DENND3: variants seen among roughly 807,000 people sequenced by gnomAD.
The protein encoded by DENND3 is DENN domain containing 3, also known as DENN domain-containing protein 3.
Under a neutral mutation model 135.1 loss-of-function variants are expected in DENND3, and 88 were observed. The observed-to-expected ratio is 0.65, with a 90% CI of 0.55 to 0.78. DENND3 has a LOEUF of 0.78. Among genes scored for constraint, DENND3 ranks in the 30% least tolerant of loss-of-function variants. The pLI, the probability that DENND3 is intolerant of heterozygous loss-of-function variation, is 0.00. For missense variants in DENND3, 1,392 were observed against 1,688.4 expected (o/e 0.82, Z 3.08); for synonymous variants, 693 against 712.3 (o/e 0.97, Z 0.43).
chr8:141,177,773 G>A (rs79501645), intron 15 of DENND3: 3,020 of 295,466 alleles, frequency 0.01, 46 homozygotes, highest in Admixed American at 0.034. Context: ...CTCCCATGCC[G>A]CAGTGGCAGG....
intron 16 of DENND3, 27 bp downstream of exon 16, chr8:141,178,223 A>G: frequency 1.9e-6 from 3 of 1,594,612 alleles, no homozygotes; most frequent in Non-Finnish European, 2.6e-6. Context: ...CTTAGCGTGG[A>G]TCATTGTCCT....
intron 20 of DENND3, 48 bp from the exon 21 acceptor site, chr8:141,192,283 G>C (rs912939731): frequency 1.2e-6 from 2 of 1,604,454 alleles, no homozygotes; most frequent in African/African-American, 2.7e-5. Flanking sequence ...GGCGTCTTAT[G>C]TTGCCAATGA....
At chr8:141,176,909 G>A (rs986686312) in intron 15 of DENND3, 148 bp downstream of exon 15, 45 of 853,966 alleles carry the variant, frequency 5.3e-5, no homozygotes, top group Non-Finnish European at 7.6e-5. Flanking sequence ...ACACCATCTT[G>A]ACAGAAGCAT....
chr8:141,162,282 T>A (rs75362889), intron 9 of DENND3, among the ~76,000 whole-genome samples: 1,747 of 149,984 alleles, frequency 0.012, 10 homozygotes, highest in South Asian at 0.022. Context: ...TTATGAACAA[T>A]TTTTTTTTAA....
At chr8:141,171,696 T>G (rs1363449987) in intron 13 of DENND3, among the ~76,000 whole-genome samples, 1 of 152,166 alleles carries the variant, frequency 6.6e-6, no homozygotes, top group Non-Finnish European at 1.5e-5. Flanking sequence ...ACAGTGGTCA[T>G]AAGTGTGCAG....
chr8:141,141,917 GCCTGTAGT>G lies in DENND3; in HGVS notation c.623+596_623+603del. Reference sequence around the variant, plus strand: ...AAACTAGTTGGGCATGGTGGTGTGTGCCTGTAGTCCCAGCTACTGGGAAGGCTAACGCA... The same window carrying G: ...AAACTAGTTGGGCATGGTGGTGTGTGCCCAGCTACTGGGAAGGCTAACGCA... On this transcript the variant is annotated intron_variant, in intron 4 of 22. Transcript: ENST00000519811. The surrounding 1 kb of genome is among the most constrained non-coding windows in gnomAD (Gnocchi z 5.3). The G allele has an allele frequency of 5.1e-6, 1 of 195,544 alleles. No homozygotes were observed. Among genetic ancestry groups the G allele is most frequent in the Non-Finnish European group, 1.1e-5 (1 of 93,306 alleles). The allele number at this position is 195,544 out of a possible 1,614,324, so 12.1% of individuals were successfully genotyped here.
chr8:141,188,930 G>T, intron 18 of DENND3, 56 bp from the exon 19 acceptor site: 1 of 1,589,394 alleles, frequency 6.3e-7, no homozygotes, highest in Non-Finnish European at 8.6e-7. Flanking sequence ...TATAGAATAT[G>T]ACTTCACCAG....
intron 18 of DENND3, among the ~76,000 whole-genome samples, chr8:141,187,050 A>G (rs1823982249): frequency 6.6e-6 from 1 of 150,648 alleles, no homozygotes; most frequent in African/African-American, 2.4e-5. Flanking sequence ...TTTAAATTGC[A>G]TTTTATAGTT....
rs1816810706 is a variant in DENND3 at position 141,136,563 on chromosome 8, C to T, written c.157C>T (p.Leu53=). The T allele has an allele frequency of 6.4e-7, 1 of 1,563,614 alleles. No homozygotes were observed. Among genetic ancestry groups the T allele is most frequent in the African/African-American group, 1.4e-5 (1 of 73,820 alleles). Residue 53 remains leucine, a synonymous_variant, in exon 2 of 23, where the codon CTG becomes TTG. Transcript: ENST00000519811. ...TTCTGCTCTTCTTGATCCAGAGGTC[C>T]TGTCCATTTTCGTGCCTCCTTTTAT... ...HLSALLDPEV[L]SIFVPPFISK... is the part of the protein sequence containing the mutation.
rs1272223389 is a variant in DENND3, at chr8:141,154,685, C to T, written c.1075-1164C>T. Among the ~76,000 whole-genome samples, 1 of 152,038 alleles carries T rather than the reference C, an allele frequency of 6.6e-6. No homozygotes were observed. The highest frequency in any genetic ancestry group is 1.5e-5 in the Non-Finnish European group (1 of 67,998). ...TCAAGCGATTCTCCTGCCTCAGCCTCCTGAGTAGCTGGGATTGCAGGCACA... is the reference window on the plus strand; with the variant it reads ...TCAAGCGATTCTCCTGCCTCAGCCTTCTGAGTAGCTGGGATTGCAGGCACA... On this transcript the variant is annotated intron_variant, in intron 7 of 22. Transcript: ENST00000519811. The surrounding 1 kb of genome is among the most constrained non-coding windows in gnomAD (Gnocchi z 4.4).
At position 141,180,842 on chromosome 8, in the gene DENND3, C is replaced by T. The variant is rs751636880; in HGVS notation, c.2932C>T (p.Leu978Phe). 9 of 1,611,336 alleles carry T rather than the reference C, an allele frequency of 5.6e-6. No individual in the cohort carries two copies. Among genetic ancestry groups the T allele is most frequent in the African/African-American group, 1.3e-5 (1 of 74,804 alleles). ...GTTCCCACAAGCGGTGGACGTGCTG[C>T]TCTACACTCCAGGTAAGGCCCCTCT... Reference protein sequence around the residue: ...EAFPQAVDVLLYTPGHLDPAE... With the variant: ...EAFPQAVDVLFYTPGHLDPAE... Residue 978 changes from leucine to phenylalanine, a missense_variant, in exon 17 of 23, where the codon CTC (leucine) becomes TTC (phenylalanine). Leu to Phe is a conservative substitution (Grantham distance 22). Coordinates refer to ENST00000519811, the MANE Select transcript of DENND3 (RefSeq NM_001352890.3).
rs1303845181 is a variant in DENND3, at chr8:141,144,690, G to A, written c.735+431G>A. On this transcript the variant is annotated intron_variant, in intron 5 of 22. Coordinates refer to ENST00000519811, the MANE Select transcript of DENND3 (RefSeq NM_001352890.3). This position sits in a 1 kb window ranked among gnomAD's most constrained non-coding sequence, Gnocchi z 4.4. Reference sequence around the variant, plus strand: ...AGGTCAGACACGCCTTGTTATGCCCGCTCCCTTTTGGAGTTTAGGCACAGC... The same window carrying A: ...AGGTCAGACACGCCTTGTTATGCCCACTCCCTTTTGGAGTTTAGGCACAGC... 1.3e-5 allele frequency among the ~76,000 whole-genome samples: 2 copies of A among 152,144 alleles called. No homozygotes were observed. The highest frequency in any genetic ancestry group is 6.6e-5 in the Admixed American group (1 of 15,260).
chr8:141,147,551 C>T (rs111632643), intron 5 of DENND3, among the ~76,000 whole-genome samples: 43 of 152,354 alleles, frequency 2.8e-4, no homozygotes, highest in African/African-American at 9.9e-4. Flanking sequence ...TTTCTTGTGG[C>T]CAGCTGTGGC....
chr8:141,172,889 T>A (rs1444924876), intron 13 of DENND3, among the ~76,000 whole-genome samples: 1 of 147,600 alleles, frequency 6.8e-6, no homozygotes, highest in African/African-American at 2.5e-5. Context: ...CCAGCCTGGG[T>A]GACAGAGCAA....
intron 13 of DENND3, among the ~76,000 whole-genome samples, chr8:141,171,401 A>G (rs1821535483): frequency 1.3e-5 from 2 of 152,370 alleles, no homozygotes; most frequent in African/African-American, 4.8e-5. Flanking sequence ...GGCCTTCCCC[A>G]GGGACGCTGA....
Position 141,137,698 on chromosome 8 carries a change from C to G in DENND3, c.386-324C>G, listed in dbSNP as rs1031508311. 6.6e-6 allele frequency among the ~76,000 whole-genome samples: 1 copy of G among 152,228 alleles called. No homozygotes were observed. The highest frequency in any genetic ancestry group is 2.4e-5 in the African/African-American group (1 of 41,470). Reference sequence around the variant, plus strand: ...ACTCAGACGAAGCACCTAGCATAAGCACCCACCTCAGAACTTGGTGCTATT... The same window carrying G: ...ACTCAGACGAAGCACCTAGCATAAGGACCCACCTCAGAACTTGGTGCTATT... On this transcript the variant is annotated intron_variant, in intron 2 of 22. Transcript: ENST00000519811. This position sits in a 1 kb window ranked among gnomAD's most constrained non-coding sequence, Gnocchi z 4.1.
intron 16 of DENND3, 124 bp downstream of exon 16, chr8:141,178,320 A>G: frequency 1.5e-6 from 2 of 1,377,236 alleles, no homozygotes; most frequent in Non-Finnish European, 1.9e-6. Context: ...TTTCTTTTAT[A>G]TTTGTAATTT....
intron 13 of DENND3, among the ~76,000 whole-genome samples, chr8:141,172,664 C>T (rs933737200): frequency 6.6e-6 from 1 of 152,190 alleles, no homozygotes; most frequent in Non-Finnish European, 1.5e-5. Flanking sequence ...CACTTGCTCT[C>T]CTTTTCCTGT....
At position 141,158,187 on chromosome 8, in the gene DENND3, C is replaced by T. The variant is rs1307430649; in HGVS notation, c.1196+2217C>T. The T allele has an allele frequency of 3.1e-6, 4 of 1,289,514 alleles. No homozygotes were observed. In the African/African-American group the frequency reaches 6.1e-5, roughly 20 times the overall value. 79.9% of individuals were successfully genotyped at this position (1,289,514 alleles called of 1,614,324 possible). On this transcript the variant is annotated intron_variant, in intron 8 of 22. Coordinates refer to ENST00000519811, the MANE Select transcript of DENND3 (RefSeq NM_001352890.3). Reference sequence around the variant, plus strand: ...GGCTGTGGAATCGCTGGGCTCTCCTCCCCAGCCAAGGGCACCTGAGCAGCT... The same window carrying T: ...GGCTGTGGAATCGCTGGGCTCTCCTTCCCAGCCAAGGGCACCTGAGCAGCT...
Sources: gnomAD v4.1 joint callset for allele counts (sites outside exome capture counted in the v4.1 genomes callset) on GRCh38, gnomAD v4.1.1 for gene constraint, Gnocchi (gnomAD v3.1) non-coding constraint, MANE v1.5 for transcripts, NCBI Gene and HGNC (gene_info 2026-07-23, HGNC 2026-07-21) for gene names.